The following ZNF446 variants were observed in gnomAD, a reference collection of about 807,000 sequenced individuals.
ZNF446 encodes the protein zinc finger protein 446.
A neutral mutation model predicts 34.0 loss-of-function variants in ZNF446; 42 were observed. The ratio of observed to expected loss-of-function variants is 1.23; its 90% CI spans 0.96 to 1.60. ZNF446 has a LOEUF of 1.60. Ranked by LOEUF, ZNF446 falls within the 40% of genes most tolerant of loss-of-function variation. ZNF446 has a pLI of 0.00. For synonymous variants in ZNF446, 315 were observed against 251.0 expected (o/e 1.25, Z -2.41); for missense variants, 650 against 600.2 (o/e 1.08, Z -0.87).
Position 58,477,503 on chromosome 19 carries a change from G to A in ZNF446, c.285G>A (p.Glu95=). The A allele has an allele frequency of 1.2e-6, 2 of 1,613,348 alleles. No homozygotes were observed. The highest frequency in any genetic ancestry group is 1.7e-6 in the Non-Finnish European group (2 of 1,179,842). ...WVRGQRPGSP[E]EAAALVEGLQ... ...GCGGTCAGCGGCCAGGCAGTCCTGAGGAGGCCGCTGCCCTAGTCGAAGGAC... is the reference window on the plus strand; with the variant it reads ...GCGGTCAGCGGCCAGGCAGTCCTGAAGAGGCCGCTGCCCTAGTCGAAGGAC... The change falls in exon 2 of 7, where the codon GAG becomes GAA. Residue 95 remains glutamate (E), a synonymous_variant. Transcript: ENST00000594369.
Position 58,480,614 on chromosome 19 carries a change from G to T in ZNF446, c.1241G>T (p.Arg414Leu). Reference sequence around the variant, plus strand: ...TGGAAGTCGCAGCTGGTCATCCACCGCAAGAGCCACACAGGCCAGCGGCGT... The same window carrying T: ...TGGAAGTCGCAGCTGGTCATCCACCTCAAGAGCCACACAGGCCAGCGGCGT... Reference protein sequence around the residue: ...FSWKSQLVIHRKSHTGQRRHF... With the variant: ...FSWKSQLVIHLKSHTGQRRHF... Residue 414 changes from arginine to leucine, a missense_variant, in exon 7 of 7, where the codon CGC becomes CTC. Transcript: ENST00000594369. The surrounding 1 kb of genome is among the most constrained non-coding windows in gnomAD (Gnocchi z 7.2). 1 of 1,612,584 alleles carries T rather than the reference G, an allele frequency of 6.2e-7. No homozygotes were observed. The highest frequency in any genetic ancestry group is 1.3e-5 in the African/African-American group (1 of 74,988).
rs2053133424 is a variant in ZNF446, at chr19:58,480,721, C to T, written c.1348C>T (p.Pro450Ser). The change falls in exon 7 of 7, where the codon CCA (proline) becomes TCA (serine). Residue 450 changes from proline to serine, a missense_variant. Coordinates refer to ENST00000594369, the MANE Select transcript of ZNF446 (RefSeq NM_017908.4). This position sits in a 1 kb window ranked among gnomAD's most constrained non-coding sequence, Gnocchi z 7.2. ...CCGCAAGGGCCACCGGCCGGAGGTT[C>T]CATGAGCAGCCAGACAGCACAGTCC... ...IHRKGHRPEV[P>S] The T allele has an allele frequency of 1.9e-6, 3 of 1,602,082 alleles. No homozygotes were observed. Among genetic ancestry groups the T allele is most frequent in the Non-Finnish European group, 1.7e-6 (2 of 1,178,528 alleles).
downstream of ZNF446, among the ~76,000 whole-genome samples, chr19:58,485,000 A>G (rs977608671): frequency 2.0e-5 from 3 of 151,894 alleles, no homozygotes; most frequent in African/African-American, 7.3e-5. Context: ...CAGAGGCTGC[A>G]GTGAGCCATG....
downstream of ZNF446, chr19:58,483,925 C>G (rs2122457883): frequency 6.6e-6 from 1 of 152,284 alleles, no homozygotes; most frequent in African/African-American, 2.4e-5. Flanking sequence ...CAAAGAATTT[C>G]TTGTTCCCTC....
At chr19:58,488,553 A>T in the ZNF446 span, among the ~76,000 whole-genome samples, 889 of 48,014 alleles carry the variant, frequency 0.019, 16 homozygotes, top group African/African-American at 0.055. Flanking sequence ...TGACTATGAT[A>T]AAAAAAAAAA....
At position 58,477,832 on chromosome 19, in the gene ZNF446, G is replaced by C. The variant is rs1385340742; in HGVS notation, c.532+6G>C. On this transcript the variant is annotated splice_donor_region_variant and intron_variant, in intron 3 of 6. Coordinates refer to ENST00000594369, the MANE Select transcript of ZNF446 (RefSeq NM_017908.4). ...TGTCGATGGACAGGAAGTGGGTGAG[G>C]TTGGGGTCCCACCAGAGATGAGGGA... 3.2e-6 allele frequency: 5 copies of C among 1,540,286 alleles called. No homozygotes were observed. The highest frequency in any genetic ancestry group is 1.8e-4 in the Middle Eastern group (1 of 5,704).
Position 58,477,290 on chromosome 19 carries a change from T to C in ZNF446, c.72T>C (p.Thr24=), listed in dbSNP as rs1435042258. ...DPETTLEEPE[T]ARLRFRGFCY... ...AGACCACCCTTGAGGAGCCTGAGACTGCCCGCCTCCGCTTCCGAGGGTTCT... is the reference window on the plus strand; with the variant it reads ...AGACCACCCTTGAGGAGCCTGAGACCGCCCGCCTCCGCTTCCGAGGGTTCT... The change falls in exon 2 of 7, where the codon ACT becomes ACC. Residue 24 remains threonine (T), a synonymous_variant. Coordinates refer to ENST00000594369, the MANE Select transcript of ZNF446 (RefSeq NM_017908.4). 1 of 1,612,490 alleles carries C rather than the reference T, an allele frequency of 6.2e-7. No individual in the cohort carries two copies. The highest frequency in any genetic ancestry group is 1.3e-5 in the African/African-American group (1 of 74,892).
In ZNF446 at chr19:58,480,219, G is replaced by A. The variant is rs750787664; in HGVS notation, c.846G>A (p.Pro282=). The change falls in exon 7 of 7, where the codon CCG becomes CCA. Residue 282 remains proline, a synonymous_variant. Coordinates refer to ENST00000594369, the MANE Select transcript of ZNF446 (RefSeq NM_017908.4). This position sits in a 1 kb window ranked among gnomAD's most constrained non-coding sequence, Gnocchi z 7.2. ...CACCTGGCTGCCCAGAGGCCCAGCC[G>A]CCCCAGGGCCCAGGGCCGGCAGCCT... The part of the protein sequence containing the change: ...EGPPGCPEAQ[P]PQGPGPAAWE... 2.3e-5 allele frequency: 36 copies of A among 1,595,918 alleles called. No homozygotes were observed. In the Admixed American group the frequency reaches 4.7e-4, roughly 21 times the overall value.
chr19:58,486,812 T>A, the ZNF446 span, among the ~76,000 whole-genome samples: 2 of 152,148 alleles, frequency 1.3e-5, no homozygotes, highest in Admixed American at 6.5e-5. Flanking sequence ...TTCTTCTTTT[T>A]ATTTTTTTGA....
the ZNF446 span, among the ~76,000 whole-genome samples, chr19:58,487,210 G>A: frequency 6.6e-6 from 1 of 152,172 alleles, no homozygotes; most frequent in East Asian, 1.9e-4. Flanking sequence ...TATCACTCCT[G>A]TGATTTGATG....
downstream of ZNF446, among the ~76,000 whole-genome samples, chr19:58,482,329 A>G (rs928277771): frequency 6.6e-6 from 1 of 151,764 alleles, no homozygotes; most frequent in Non-Finnish European, 1.5e-5. Context: ...CTTGTCCCCT[A>G]CCTGCACACT....
rs778326829 is a variant in ZNF446, at chr19:58,480,310, A to T, written c.937A>T (p.Thr313Ser). Residue 313 changes from threonine to serine, a missense_variant, in exon 7 of 7, where the codon ACT (threonine) becomes TCT (serine). Thr to Ser is a moderately conservative substitution (Grantham distance 58, BLOSUM62 1). Coordinates refer to ENST00000594369, the MANE Select transcript of ZNF446 (RefSeq NM_017908.4). This position sits in a 1 kb window ranked among gnomAD's most constrained non-coding sequence, Gnocchi z 7.2. ...GCGCCCAGGGACACCGCCAGTGCCC[A>T]CTCAGCCCACACCTGCAGAGACGAG... ...TVRPGTPPVPTQPTPAETRLE... is the reference protein window; with the variant it reads ...TVRPGTPPVPSQPTPAETRLE... 1.1e-5 allele frequency: 18 copies of T among 1,581,404 alleles called. No homozygotes were observed. The South Asian group carries it at 1.9e-4, about 17-fold the overall frequency.
Position 58,477,262 on chromosome 19 carries a change from C to T in ZNF446, c.44C>T (p.Pro15Leu). 6.2e-7 allele frequency: 1 copy of T among 1,604,818 alleles called. No individual in the cohort carries two copies. The highest frequency in any genetic ancestry group is 8.5e-7 in the Non-Finnish European group (1 of 1,174,410). ...CCCCCATGCCTGCCCGTCATGGACCCAGAGACCACCCTTGAGGAGCCTGAG... is the reference window on the plus strand; with the variant it reads ...CCCCCATGCCTGCCCGTCATGGACCTAGAGACCACCCTTGAGGAGCCTGAG... The part of the protein sequence containing the change: ...LGPPCLPVMD[P>L]ETTLEEPETA... The change falls in exon 2 of 7, where the codon CCA (proline) becomes CTA (leucine). Residue 15 changes from proline (P) to leucine (L), a missense_variant. Coordinates refer to ENST00000594369, the MANE Select transcript of ZNF446 (RefSeq NM_017908.4).
intron 4 of ZNF446, 34 bp from the exon 5 acceptor site, chr19:58,479,609 G>C (rs146159308): frequency 1.2e-6 from 2 of 1,608,482 alleles, no homozygotes; most frequent in Non-Finnish European, 1.7e-6. Context: ...GGAAGGGGTG[G>C]AAAGACGCCT....
At chr19:58,484,293 A>AC (rs987623101), downstream of ZNF446, among the ~76,000 whole-genome samples, 3 of 143,032 alleles carry the variant, frequency 2.1e-5, no homozygotes, top group Non-Finnish European at 4.6e-5. Context: ...AAAAAAAAAA[A>AC]ACACACAATT....
chr19:58,486,083 ACTTT>A (rs1458095017), downstream of ZNF446, among the ~76,000 whole-genome samples: 2 of 140,374 alleles, frequency 1.4e-5, no homozygotes, highest in Admixed American at 7.4e-5. Context: ...CACTCAGCTA[ACTTT>A]CTTTTTTTTT....
chr19:58,482,956 T>C (rs1477748305), downstream of ZNF446, among the ~76,000 whole-genome samples: 1 of 152,218 alleles, frequency 6.6e-6, no homozygotes, highest in Non-Finnish European at 1.5e-5. Flanking sequence ...TTTTCACATT[T>C]AGAAGCAATT....
intron 1 of ZNF446, 96 bp from the exon 2 acceptor site, chr19:58,477,083 C>T (rs2053092853): frequency 1.3e-6 from 1 of 746,648 alleles, no homozygotes; most frequent in African/African-American, 1.7e-5. Context: ...TCAGAGTACA[C>T]TTGGTCCTGG....
chr19:58,486,088 CTTTTTTT>C (rs71190045), downstream of ZNF446, among the ~76,000 whole-genome samples: 4 of 83,336 alleles, frequency 4.8e-5, no homozygotes, highest in African/African-American at 9.8e-5. Context: ...AGCTAACTTT[CTTTTTTT>C]TTTTTTTTTT....
Sources: gnomAD v4.1 joint callset for allele counts (sites outside exome capture counted in the v4.1 genomes callset) on GRCh38, gnomAD v4.1.1 for gene constraint, Gnocchi (gnomAD v3.1) non-coding constraint, MANE v1.5 for transcripts, NCBI Gene and HGNC (gene_info 2026-07-23, HGNC 2026-07-21) for gene names.